Variants in CCDC62 observed in about 807,000 individuals in gnomAD.
CCDC62 encodes coiled-coil domain-containing protein 62.
A neutral mutation model predicts 80.8 loss-of-function variants in CCDC62; 72 were observed. The ratio of observed to expected loss-of-function variants is 0.89; its 90% CI spans 0.74 to 1.08. CCDC62 has a LOEUF of 1.08. Ranked by LOEUF, CCDC62 falls within the 50% of genes least tolerant of loss-of-function variation. CCDC62 has a pLI of 0.00. For synonymous variants in CCDC62, 286 were observed against 296.5 expected, an observed-to-expected ratio of 0.96 and a Z score of 0.36; for missense variants, 704 against 809.4, an observed-to-expected ratio of 0.87 and a Z score of 1.58.
Position 122,778,353 on chromosome 12 carries a change from C to CA in CCDC62, c.229+688dup, listed in dbSNP as rs34065757. Among the ~76,000 whole-genome samples, 582 of 118,122 alleles carry CA rather than the reference C, an allele frequency of 4.9e-3. 3 individuals are homozygous for CA. The highest frequency in any genetic ancestry group is 0.011 in the South Asian group (36 of 3,246). 77.5% of individuals were successfully genotyped at this position (118,122 alleles called of 152,430 possible). A position where few individuals can be genotyped will look rare whatever the true frequency, so the allele number is the denominator to read the frequency against. On this transcript the variant is annotated intron_variant, in intron 2 of 12. Coordinates refer to ENST00000253079, the MANE Select transcript of CCDC62 (RefSeq NM_201435.5). ...TGTGGGACAGAACAAGACCCTGTCC[C>CA]AAAAAAAAAAAAAAAAAATTATAGC...
rs141722651 is a variant in CCDC62 at position 122,781,162 on chromosome 12, A to T, written c.230-2A>T. On this transcript the variant is annotated splice_acceptor_variant, in intron 2 of 12. Coordinates refer to ENST00000253079, the MANE Select transcript of CCDC62 (RefSeq NM_201435.5). LOFTEE classifies it high-confidence loss of function. Reference sequence around the variant, plus strand: ...TACAAATTATTGATGAACTTCCCTCAGGTGAACTACATAAAAGAACTGAAA... The same window carrying T: ...TACAAATTATTGATGAACTTCCCTCTGGTGAACTACATAAAAGAACTGAAA... 1 of 1,607,694 alleles carries T rather than the reference A, an allele frequency of 6.2e-7. No homozygotes were observed. Among genetic ancestry groups the T allele is most frequent in the African/African-American group, 1.3e-5 (1 of 74,444 alleles).
intron 3 of CCDC62, among the ~76,000 whole-genome samples, chr12:122,782,909 T>A (rs1484702888): frequency 6.6e-6 from 1 of 150,970 alleles, no homozygotes; most frequent in Non-Finnish European, 1.5e-5. Context: ...AAGTCTGAGA[T>A]CAGCCTGGCC....
rs1229439242 is a variant in CCDC62, at chr12:122,798,140, C to G, written c.917C>G (p.Ser306Cys). 1.3e-6 allele frequency: 2 copies of G among 1,599,834 alleles called. No homozygotes were observed. The highest frequency in any genetic ancestry group is 1.7e-6 in the Non-Finnish European group (2 of 1,167,478). ...LQFLNFNVENSQELIQMYDSK... is the reference protein window; with the variant it reads ...LQFLNFNVENCQELIQMYDSK... ...TTTCTTAATTTCAATGTGGAAAATT[C>G]TCAGGAATTAATACAGATGTATGAC... Residue 306 changes from serine to cysteine, a missense_variant, in exon 8 of 13, where the codon TCT becomes TGT. Physicochemically the swap from Ser to Cys is moderately radical, Grantham distance 112. Transcript: ENST00000253079.
chr12:122,783,638 ATAGT>A (rs1429603644), intron 3 of CCDC62, among the ~76,000 whole-genome samples: 1 of 152,172 alleles, frequency 6.6e-6, no homozygotes, highest in Non-Finnish European at 1.5e-5. Flanking sequence ...ACTATTCTAG[ATAGT>A]TTCTAGCTAT....
chr12:122,815,714 T>C (rs1029385861), intron 11 of CCDC62, among the ~76,000 whole-genome samples: 3 of 152,216 alleles, frequency 2.0e-5, no homozygotes, highest in African/African-American at 7.2e-5. Flanking sequence ...CCCAAAATGC[T>C]GGGATTACAG....
intron 4 of CCDC62, among the ~76,000 whole-genome samples, chr12:122,788,108 G>A (rs1020549818): frequency 1.8e-4 from 28 of 152,098 alleles, no homozygotes; most frequent in Admixed American, 1.2e-3. Flanking sequence ...CTTCAGTAGG[G>A]GTAAAACCTC....
chr12:122,790,377 T>G (rs2030528670), intron 5 of CCDC62, among the ~76,000 whole-genome samples: 1 of 151,268 alleles, frequency 6.6e-6, no homozygotes. Context: ...AAAAGAAAAA[T>G]AGTGGCTGGG....
At chr12:122,825,086 C>CAA (rs879280596) in intron 12 of CCDC62, among the ~76,000 whole-genome samples, 1 of 107,062 alleles carries the variant, frequency 9.3e-6, no homozygotes, top group Admixed American at 9.8e-5. Context: ...AACTCAGTCT[C>CAA]AAAAAAAAAA....
In CCDC62 at chr12:122,774,716, G is replaced by A. The variant is rs896133310; in HGVS notation, c.36+10G>A. 14 of 1,253,146 alleles carry A rather than the reference G, an allele frequency of 1.1e-5. No homozygotes were observed. The highest frequency in any genetic ancestry group is 4.2e-5 in the Admixed American group (1 of 23,918). The allele number at this position is 1,253,146 out of a possible 1,614,324, so 77.6% of individuals were successfully genotyped here. ...CCTTGCCGGGCGCCAGGTAAGCAGC[G>A]GTTCCGGGCGCGGCGGGGCGCCGCG... On this transcript the variant is annotated intron_variant, in intron 1 of 12. Coordinates refer to ENST00000253079, the MANE Select transcript of CCDC62 (RefSeq NM_201435.5).
In CCDC62 at chr12:122,806,154, G is replaced by A. The variant is rs748756352; in HGVS notation, c.1710G>A (p.Glu570=). 1 of 1,611,754 alleles carries A rather than the reference G, an allele frequency of 6.2e-7. No homozygotes were observed. Among genetic ancestry groups the A allele is most frequent in the Non-Finnish European group, 8.5e-7 (1 of 1,178,842 alleles). Residue 570 remains glutamate (E), a synonymous_variant, in exon 10 of 13, where the codon GAG becomes GAA. Transcript: ENST00000253079. ...CGTQHDSPAS[E]LIAIQDSHSL... ...TGTTGGGTTTTCTTATTCTTAGTGAGCTAATTGCCATCCAAGATTCCCACT... is the reference window on the plus strand; with the variant it reads ...TGTTGGGTTTTCTTATTCTTAGTGAACTAATTGCCATCCAAGATTCCCACT...
chr12:122,802,767 C>A (rs557497218), intron 9 of CCDC62, among the ~76,000 whole-genome samples: 4 of 152,098 alleles, frequency 2.6e-5, no homozygotes, highest in Admixed American at 2.6e-4. Context: ...GTGGTGTACA[C>A]CTGTAGTCCC....
At chr12:122,791,927 A>G (rs2135545552) in intron 5 of CCDC62, 93 bp from the exon 6 acceptor site, 1 of 817,602 alleles carries the variant, frequency 1.2e-6, no homozygotes, top group Non-Finnish European at 2.1e-6. Flanking sequence ...GACCGGAAGG[A>G]GCCGCTGAGG....
At chr12:122,802,535 T>A (rs1409009391) in intron 9 of CCDC62, among the ~76,000 whole-genome samples, 1 of 148,902 alleles carries the variant, frequency 6.7e-6, no homozygotes, top group Non-Finnish European at 1.5e-5. Context: ...TGCCTCAGCC[T>A]CCCAAGTAGC....
In CCDC62 at chr12:122,797,643, C is replaced by T. The variant is rs113267822; in HGVS notation, c.861+248C>T. On this transcript the variant is annotated intron_variant, in intron 7 of 12. Coordinates refer to ENST00000253079, the MANE Select transcript of CCDC62 (RefSeq NM_201435.5). Reference sequence around the variant, plus strand: ...GCAACCTCCACCTCCTAGTTACAAGCGATCCTCCTGCCTCAGCCTCCCAAG... The same window carrying T: ...GCAACCTCCACCTCCTAGTTACAAGTGATCCTCCTGCCTCAGCCTCCCAAG... Among the ~76,000 whole-genome samples the T allele has an allele frequency of 1.9e-3, 290 of 152,146 alleles. 1 individual carries two copies. Among genetic ancestry groups the T allele is most frequent in the African/African-American group, 6.6e-3 (273 of 41,500 alleles).
chr12:122,785,800 A>T lies in CCDC62; in HGVS notation c.478A>T (p.Thr160Ser). ...GQLQAREQAL[T>S]TMIKLKDKDI... The stretch of plus-strand genomic sequence containing the variant: ...GCTACAAGCTCGAGAACAAGCTCTT[A>T]CGACAATGATAAAGCTAAAGGTAAT... The change falls in exon 4 of 13, where the codon ACG becomes TCG. Residue 160 changes from threonine (T) to serine (S), a missense_variant. Coordinates refer to ENST00000253079, the MANE Select transcript of CCDC62 (RefSeq NM_201435.5). The T allele has an allele frequency of 6.2e-7, 1 of 1,610,398 alleles. No individual in the cohort carries two copies. Among genetic ancestry groups the T allele is most frequent in the Non-Finnish European group, 8.5e-7 (1 of 1,176,588 alleles).
intron 9 of CCDC62, among the ~76,000 whole-genome samples, chr12:122,802,312 C>G (rs2031360485): frequency 1.3e-5 from 2 of 151,264 alleles, no homozygotes; most frequent in Non-Finnish European, 2.9e-5. Flanking sequence ...TGGCTCATGC[C>G]TGTAATTCTA....
intron 2 of CCDC62, among the ~76,000 whole-genome samples, chr12:122,778,186 C>T (rs1879596073): frequency 6.6e-6 from 1 of 151,754 alleles, no homozygotes; most frequent in East Asian, 1.9e-4. Context: ...AACCCCATTT[C>T]TACTAAAAAT....
intron 11 of CCDC62, 58 bp downstream of exon 11, chr12:122,813,477 C>T: frequency 1.3e-6 from 2 of 1,498,856 alleles, no homozygotes; most frequent in South Asian, 1.2e-5. Flanking sequence ...CCACTGAACA[C>T]CAGTGTGCAA....
At chr12:122,794,851 A>G (rs1342795142) in intron 6 of CCDC62, among the ~76,000 whole-genome samples, 11 of 152,000 alleles carry the variant, frequency 7.2e-5, no homozygotes, top group Non-Finnish European at 1.3e-4. Context: ...TATTTTTAGT[A>G]GAGGCAGGGT....
Sources: allele counts gnomAD v4.1 joint callset (sites outside exome capture counted in the v4.1 genomes callset), GRCh38; gene constraint gnomAD v4.1.1; transcripts MANE v1.5; gene names NCBI Gene and HGNC (gene_info 2026-07-23, HGNC 2026-07-21).